Variants in CPXM2 observed in about 807,000 individuals in gnomAD.
CPXM2 encodes inactive carboxypeptidase-like protein X2.
CPXM2 carries 66 observed loss-of-function variants against 86.1 expected under a neutral mutation model. The observed-to-expected ratio is 0.77, with a 90% CI of 0.63 to 0.94. The LOEUF (loss-of-function observed/expected upper bound fraction) is 0.94. CPXM2 is among the 40% of genes least tolerant of loss of function. CPXM2 has a pLI of 0.00. For synonymous variants in CPXM2, 388 were observed against 400.2 expected (o/e 0.97, Z 0.36); for missense variants, 948 against 1,026.3 (o/e 0.92, Z 1.04).
rs1385655299 is a variant in CPXM2 at position 123,835,610 on chromosome 10, C to T, written c.653+6739G>A. On this transcript the variant is annotated intron_variant, in intron 4 of 13. Coordinates refer to ENST00000241305, the MANE Select transcript of CPXM2 (RefSeq NM_198148.3). ...GTTTGGAAACTTCTCTCTCCCCAGC[C>T]CCACATAGGTGCCAAACATTTCATT... 2.0e-5 allele frequency among the ~76,000 whole-genome samples: 3 copies of T among 152,182 alleles called. No homozygotes were observed. In the South Asian group the frequency reaches 6.2e-4, roughly 32 times the overall value.
intron 4 of CPXM2, among the ~76,000 whole-genome samples, chr10:123,808,470 A>G (rs1166445527): frequency 1.3e-5 from 2 of 152,192 alleles, no homozygotes; most frequent in Non-Finnish European, 2.9e-5. Flanking sequence ...AAATGCATCT[A>G]ACAGTGCCAG....
At chr10:123,778,827 G>A (rs564547133) in intron 7 of CPXM2, among the ~76,000 whole-genome samples, 1 of 152,302 alleles carries the variant, frequency 6.6e-6, no homozygotes, top group East Asian at 1.9e-4. Flanking sequence ...TCAAAATGTA[G>A]AGCAGCAGGG....
At chr10:123,863,981 T>G (rs1003210984) in intron 2 of CPXM2, among the ~76,000 whole-genome samples, 2 of 152,168 alleles carry the variant, frequency 1.3e-5, no homozygotes, top group African/African-American at 4.8e-5. Context: ...TCAAGGCCAC[T>G]GACCCATTAG....
Position 123,762,092 on chromosome 10 carries a change from G to T in CPXM2, c.1557C>A (p.Gly519=). ...CGTAGGGGTACGCCACCACCAGCTC[G>T]CCGCCCTGCAGGTTGCCGCCCAGCA... ...PFVLGGNLQG[G]ELVVAYPYDL... The change falls in exon 11 of 14, where the codon GGC becomes GGA. Residue 519 remains glycine (G), a synonymous_variant. Coordinates refer to ENST00000241305, the MANE Select transcript of CPXM2 (RefSeq NM_198148.3). The T allele has an allele frequency of 6.2e-7, 1 of 1,614,078 alleles. No individual in the cohort carries two copies. Among genetic ancestry groups the T allele is most frequent in the Non-Finnish European group, 8.5e-7 (1 of 1,179,996 alleles).
intron 3 of CPXM2, among the ~76,000 whole-genome samples, chr10:123,842,747 T>A (rs1848413206): frequency 6.6e-6 from 1 of 152,220 alleles, no homozygotes; most frequent in South Asian, 2.1e-4. Flanking sequence ...TAATGAGTAC[T>A]CCTACTACTC....
intron 2 of CPXM2, among the ~76,000 whole-genome samples, chr10:123,934,543 T>A (rs905818397): frequency 2.0e-5 from 3 of 152,100 alleles, no homozygotes; most frequent in African/African-American, 7.2e-5. Flanking sequence ...GACCTCATCT[T>A]GATTCCACCA....
intron 2 of CPXM2, among the ~76,000 whole-genome samples, chr10:123,929,606 C>T (rs1945649923): frequency 1.3e-5 from 2 of 152,126 alleles, no homozygotes; most frequent in African/African-American, 4.8e-5. Context: ...AGAGTGGGTG[C>T]TCTGGCCAGA....
At chr10:123,930,165 G>A (rs1030161352) in intron 2 of CPXM2, among the ~76,000 whole-genome samples, 1 of 151,020 alleles carries the variant, frequency 6.6e-6, no homozygotes, top group African/African-American at 2.5e-5. Context: ...GATAGCTTGA[G>A]TTCTCAGCTC....
At position 123,885,771 on chromosome 10, in the gene CPXM2, A is replaced by G. The variant is rs1337186830; in HGVS notation, c.305-5462T>C. Among the ~76,000 whole-genome samples the G allele has an allele frequency of 6.6e-6, 1 of 152,186 alleles. No homozygotes were observed. The highest frequency in any genetic ancestry group is 1.5e-5 in the Non-Finnish European group (1 of 68,030). ...GAATGCTCAGGCTCCCTGGACCCTCAGGGACATCCAGAGAAAACCTCCACC... is the reference window on the plus strand; with the variant it reads ...GAATGCTCAGGCTCCCTGGACCCTCGGGGACATCCAGAGAAAACCTCCACC... On this transcript the variant is annotated intron_variant, in intron 1 of 13. Coordinates refer to ENST00000241305, the MANE Select transcript of CPXM2 (RefSeq NM_198148.3). The surrounding 1 kb of genome is among the most constrained non-coding windows in gnomAD (Gnocchi z 4.0).
chr10:123,823,924 A>G (rs113019634), intron 4 of CPXM2, among the ~76,000 whole-genome samples: 114 of 152,332 alleles, frequency 7.5e-4, no homozygotes, highest in African/African-American at 2.7e-3. Flanking sequence ...ACCATGTTTT[A>G]TTAAAAGTAG....
At chr10:123,882,913 G>A (rs1401072096) in intron 1 of CPXM2, among the ~76,000 whole-genome samples, 3 of 138,994 alleles carry the variant, frequency 2.2e-5, no homozygotes, top group African/African-American at 8.3e-5. Flanking sequence ...CATGGCCTGC[G>A]CAGCTTCTAA....
intron 2 of CPXM2, among the ~76,000 whole-genome samples, chr10:123,902,462 C>G (rs28571706): frequency 6.6e-6 from 1 of 151,958 alleles, no homozygotes; most frequent in Admixed American, 6.5e-5. Context: ...TGTCTTAGTC[C>G]ATTAGGGCTG....
intron 2 of CPXM2, among the ~76,000 whole-genome samples, chr10:123,901,761 C>T (rs1945383680): frequency 2.0e-5 from 3 of 152,136 alleles, no homozygotes; most frequent in Admixed American, 2.0e-4. Flanking sequence ...TCGGGACTTT[C>T]ACAGAGCACC....
At chr10:123,825,193 T>C (rs1310605510) in intron 4 of CPXM2, among the ~76,000 whole-genome samples, 2 of 152,190 alleles carry the variant, frequency 1.3e-5, no homozygotes, top group African/African-American at 2.4e-5. Context: ...CCATGTGCTC[T>C]ATCCACACAT....
chr10:123,782,132 A>G (rs1034814012), intron 6 of CPXM2, among the ~76,000 whole-genome samples: 6 of 152,244 alleles, frequency 3.9e-5, no homozygotes, highest in African/African-American at 1.4e-4. Context: ...CAGATGCCTC[A>G]GTGATTTCTC....
intron 6 of CPXM2, among the ~76,000 whole-genome samples, chr10:123,792,484 C>A (rs1235322936): frequency 6.6e-6 from 1 of 152,154 alleles, no homozygotes; most frequent in Non-Finnish European, 1.5e-5. Context: ...CAGAAAAAAC[C>A]CAGACATTCC....
At chr10:123,837,393 T>C (rs898976473) in intron 4 of CPXM2, among the ~76,000 whole-genome samples, 2 of 152,220 alleles carry the variant, frequency 1.3e-5, no homozygotes, top group Non-Finnish European at 1.5e-5. Context: ...ACAAATGCAC[T>C]GACTTCAAGA....
At chr10:123,903,083 C>T (rs1945399089) in intron 2 of CPXM2, among the ~76,000 whole-genome samples, 1 of 152,216 alleles carries the variant, frequency 6.6e-6, no homozygotes, top group Admixed American at 6.5e-5. Context: ...TCCATGATTG[C>T]AGCGGGTGAG....
rs1252992808 is a variant in CPXM2, at chr10:123,817,612, T to C, written c.654-18413A>G. Among the ~76,000 whole-genome samples, 12 of 152,288 alleles carry C rather than the reference T, an allele frequency of 7.9e-5. No homozygotes were observed. The South Asian group carries it at 1.9e-3, about 24-fold the overall frequency. ...TCAAATAGAAGTGGTATATACGTAATTGGGCTTGGGCAGCTCCTAAAGACA... is the reference window on the plus strand; with the variant it reads ...TCAAATAGAAGTGGTATATACGTAACTGGGCTTGGGCAGCTCCTAAAGACA... On this transcript the variant is annotated intron_variant, in intron 4 of 13. Transcript: ENST00000241305.
Sources: allele counts gnomAD v4.1 joint callset (sites outside exome capture counted in the v4.1 genomes callset), GRCh38; gene constraint gnomAD v4.1.1; non-coding constraint Gnocchi (gnomAD v3.1); transcripts MANE v1.5; gene names NCBI Gene and HGNC (gene_info 2026-07-23, HGNC 2026-07-21).